The following IMMP2L variants were observed in gnomAD, a reference collection of about 807,000 sequenced individuals.
IMMP2L encodes the protein mitochondrial inner membrane protease subunit 2.
Under a neutral mutation model 19.3 loss-of-function variants are expected in IMMP2L, and 18 were observed. The ratio of observed to expected loss-of-function variants is 0.93; its 90% CI spans 0.64 to 1.38. The LOEUF is 1.38. IMMP2L is among the 40% of genes most tolerant of loss of function. The probability of loss-of-function intolerance (pLI) is 0.00; values close to 1 mark genes in which losing one functional copy is unlikely to be tolerated. For missense variants in IMMP2L, 233 were observed against 218.2 expected (o/e 1.07, Z -0.43); for synonymous variants, 76 against 73.0 (o/e 1.04, Z -0.21).
At chr7:111,168,136 T>C (rs1806035182) in intron 3 of IMMP2L, among the ~76,000 whole-genome samples, 1 of 152,024 alleles carries the variant, frequency 6.6e-6, no homozygotes, top group Non-Finnish European at 1.5e-5. Flanking sequence ...AACTTGATTT[T>C]CTGCTGGATA....
At chr7:111,100,871 T>G (rs567644822) in intron 3 of IMMP2L, among the ~76,000 whole-genome samples, 41 of 151,740 alleles carry the variant, frequency 2.7e-4, no homozygotes, top group African/African-American at 9.6e-4. Flanking sequence ...ATTGAACAAG[T>G]AGAACAATGT....
intron 3 of IMMP2L, among the ~76,000 whole-genome samples, chr7:111,480,607 A>C (rs1395228975): frequency 1.3e-5 from 2 of 149,334 alleles, no homozygotes; most frequent in Non-Finnish European, 1.5e-5. Flanking sequence ...CAAAAAAAAA[A>C]AAAAAAAAAA....
intron 3 of IMMP2L, among the ~76,000 whole-genome samples, chr7:111,464,852 G>A (rs1840469635): frequency 6.6e-6 from 1 of 151,942 alleles, no homozygotes; most frequent in Non-Finnish European, 1.5e-5. Flanking sequence ...GCAGTGGTGC[G>A]ACCTCGCCTC....
intron 3 of IMMP2L, among the ~76,000 whole-genome samples, chr7:111,034,096 A>G: frequency 6.6e-6 from 1 of 152,314 alleles, no homozygotes; most frequent in Non-Finnish European, 1.5e-5. Flanking sequence ...AAATGTACAC[A>G]TAAAATTAAT....
chr7:111,309,956 C>T (rs1483151425), intron 3 of IMMP2L, among the ~76,000 whole-genome samples: 5 of 151,928 alleles, frequency 3.3e-5, no homozygotes, highest in Non-Finnish European at 7.4e-5. Context: ...ACATTCTGGC[C>T]GGGCACGGTG....
At chr7:111,030,868 ATG>A (rs1266804499) in intron 3 of IMMP2L, among the ~76,000 whole-genome samples, 95 of 47,314 alleles carry the variant, frequency 2.0e-3, no homozygotes, top group Middle Eastern at 0.012. Context: ...ATGTGTGTGT[ATG>A]TGTGTGTGTG....
At chr7:111,297,799 C>A (rs1181235208) in intron 3 of IMMP2L, among the ~76,000 whole-genome samples, 1 of 151,888 alleles carries the variant, frequency 6.6e-6, no homozygotes, top group Non-Finnish European at 1.5e-5. Flanking sequence ...ACAAAAGAAA[C>A]CAGACTCAAA....
chr7:110,848,220 T>C (rs191846552), intron 5 of IMMP2L, among the ~76,000 whole-genome samples: 1 of 152,224 alleles, frequency 6.6e-6, no homozygotes, highest in Non-Finnish European at 1.5e-5. Context: ...ACAATAAGAA[T>C]ATAAATCACC....
At chr7:110,722,710 A>G (rs988773252) in intron 5 of IMMP2L, among the ~76,000 whole-genome samples, 1 of 152,116 alleles carries the variant, frequency 6.6e-6, no homozygotes, top group Non-Finnish European at 1.5e-5. Flanking sequence ...AACATATACC[A>G]TTATTTCCAG....
At chr7:110,705,086 A>G (rs575994142) in intron 5 of IMMP2L, among the ~76,000 whole-genome samples, 10 of 145,164 alleles carry the variant, frequency 6.9e-5, no homozygotes, top group Non-Finnish European at 1.4e-4. Context: ...AGGAGATTAA[A>G]CTGGAAGCTT....
intron 3 of IMMP2L, among the ~76,000 whole-genome samples, chr7:111,048,323 T>C (rs777018278): frequency 3.3e-5 from 5 of 151,700 alleles, no homozygotes; most frequent in Non-Finnish European, 7.4e-5. Context: ...TAGTTTTGGT[T>C]AATAAGTTCA....
At chr7:110,764,838 A>T (rs1798562581) in intron 5 of IMMP2L, among the ~76,000 whole-genome samples, 1 of 152,104 alleles carries the variant, frequency 6.6e-6, no homozygotes, top group South Asian at 2.1e-4. Context: ...GCTCAAAATA[A>T]ATGCTACTAT....
At chr7:110,957,605 C>G (rs1325446163) in intron 4 of IMMP2L, among the ~76,000 whole-genome samples, 1 of 151,920 alleles carries the variant, frequency 6.6e-6, no homozygotes, top group Non-Finnish European at 1.5e-5. Context: ...GCTCTGAAAA[C>G]CTCTCAGATC....
intron 3 of IMMP2L, among the ~76,000 whole-genome samples, chr7:111,421,660 T>C (rs1372379474): frequency 1.3e-5 from 2 of 151,712 alleles, no homozygotes; most frequent in African/African-American, 2.4e-5. Flanking sequence ...TTTTCTCCCA[T>C]TCTGTAGATT....
chr7:111,207,534 G>GTTTTT (rs376864629), intron 3 of IMMP2L, among the ~76,000 whole-genome samples: 24 of 90,090 alleles, frequency 2.7e-4, no homozygotes, highest in East Asian at 3.7e-4. Flanking sequence ...TTTATTTTTG[G>GTTTTT]TTTTTTTTTT....
intron 3 of IMMP2L, among the ~76,000 whole-genome samples, chr7:111,358,996 A>G (rs1828997678): frequency 6.6e-6 from 1 of 152,134 alleles, no homozygotes; most frequent in Admixed American, 6.6e-5. Flanking sequence ...TAAGTTAGAT[A>G]GCTAGAACAA....
intron 3 of IMMP2L, among the ~76,000 whole-genome samples, chr7:111,174,661 G>C (rs1806837291): frequency 6.6e-6 from 1 of 151,638 alleles, no homozygotes; most frequent in Non-Finnish European, 1.5e-5. Context: ...ATTGACTCTA[G>C]TAAAACAATT....
At chr7:111,240,866 T>C (rs1443245622) in intron 3 of IMMP2L, among the ~76,000 whole-genome samples, 2 of 151,984 alleles carry the variant, frequency 1.3e-5, no homozygotes, top group African/African-American at 4.8e-5. Context: ...TAATGTGATT[T>C]TTTTAACATC....
At chr7:110,737,478 G>A (rs925113147) in intron 5 of IMMP2L, among the ~76,000 whole-genome samples, 3 of 152,144 alleles carry the variant, frequency 2.0e-5, no homozygotes, top group Non-Finnish European at 4.4e-5. Flanking sequence ...GCATTGGACT[G>A]GGAACCATAC....
Sources: gnomAD v4.1 joint callset for allele counts (sites outside exome capture counted in the v4.1 genomes callset) on GRCh38, gnomAD v4.1.1 for gene constraint, MANE v1.5 for transcripts, NCBI Gene and HGNC (gene_info 2026-07-23, HGNC 2026-07-21) for gene names.